Variants in JPH3 observed in about 807,000 individuals in gnomAD.
JPH3 encodes junctophilin-3.
JPH3 carries 11 observed loss-of-function variants against 59.6 expected under a neutral mutation model. The observed-to-expected ratio is 0.18, with a 90% CI of 0.12 to 0.31. The LOEUF (loss-of-function observed/expected upper bound fraction) is 0.31. JPH3 is among the 10% of genes least tolerant of loss of function. The pLI, the probability that JPH3 is intolerant of heterozygous loss-of-function variation, is 1.00. For synonymous variants in JPH3, 673 were observed against 483.6 expected (o/e 1.39, Z -5.14); for missense variants, 1,202 against 1,105.7 (o/e 1.09, Z -1.24).
intron 1 of JPH3, among the ~76,000 whole-genome samples, chr16:87,627,355 T>C (rs1390927227): frequency 2.0e-5 from 3 of 152,240 alleles, no homozygotes; most frequent in African/African-American, 7.2e-5. Context: ...GGCGCTATTG[T>C]AACGATAACA....
intron 2 of JPH3, among the ~76,000 whole-genome samples, chr16:87,670,232 C>T (rs1211982059): frequency 1.3e-5 from 2 of 152,190 alleles, no homozygotes; most frequent in Non-Finnish European, 2.9e-5. Context: ...GAGTCAGCCG[C>T]AGCCACCAGC....
chr16:87,637,731 C>T (rs1208229561), intron 1 of JPH3, among the ~76,000 whole-genome samples: 3 of 151,926 alleles, frequency 2.0e-5, no homozygotes, highest in African/African-American at 4.8e-5. Flanking sequence ...GTGCCCTGGG[C>T]GAATGTCGAG....
At chr16:87,634,222 G>A (rs2031658464) in intron 1 of JPH3, among the ~76,000 whole-genome samples, 1 of 152,170 alleles carries the variant, frequency 6.6e-6, no homozygotes, top group African/African-American at 2.4e-5. Flanking sequence ...CCAGGGTCTG[G>A]TCCCTGATCT....
intron 1 of JPH3, among the ~76,000 whole-genome samples, chr16:87,617,573 C>T (rs982704398): frequency 6.9e-5 from 10 of 145,264 alleles, no homozygotes; most frequent in Admixed American, 3.6e-4. Context: ...AGGGATGCCA[C>T]CTCTAGGGAG....
chr16:87,648,676 G>C (rs996570544), intron 2 of JPH3, among the ~76,000 whole-genome samples: 13 of 152,144 alleles, frequency 8.5e-5, no homozygotes, highest in African/African-American at 2.4e-4. Flanking sequence ...GGGAGAGGGG[G>C]AGCTGGGACT....
chr16:87,657,408 G>A (rs912970103), intron 2 of JPH3, among the ~76,000 whole-genome samples: 1 of 152,146 alleles, frequency 6.6e-6, no homozygotes, highest in Non-Finnish European at 1.5e-5. Flanking sequence ...GGAACAACGG[G>A]GAGTGGCTTC....
At chr16:87,693,078 TCA>T (rs1223215444) in intron 4 of JPH3, among the ~76,000 whole-genome samples, 1 of 152,182 alleles carries the variant, frequency 6.6e-6, no homozygotes, top group Non-Finnish European at 1.5e-5. Context: ...GGCCCAAGAC[TCA>T]CAATACACCT....
At chr16:87,670,506 C>T (rs2032987534) in intron 2 of JPH3, among the ~76,000 whole-genome samples, 1 of 152,216 alleles carries the variant, frequency 6.6e-6, no homozygotes, top group Non-Finnish European at 1.5e-5. Context: ...TCCCTGTGAG[C>T]GGCCTGTCCC....
chr16:87,636,913 C>T (rs926819435), intron 1 of JPH3, among the ~76,000 whole-genome samples: 8 of 152,228 alleles, frequency 5.3e-5, no homozygotes, highest in Non-Finnish European at 1.0e-4. Flanking sequence ...GGCCATAGTA[C>T]GCGCAGCGCA....
rs1300240298 is a variant in JPH3 at position 87,644,588 on chromosome 16, G to A, written c.713G>A (p.Arg238His). The A allele has an allele frequency of 5.6e-6, 9 of 1,612,812 alleles. No individual in the cohort carries two copies. Among genetic ancestry groups the A allele is most frequent in the South Asian group, 2.2e-5 (2 of 91,082 alleles). Residue 238 changes from arginine to histidine, a missense_variant, in exon 2 of 5, where the codon CGC (arginine) becomes CAC (histidine). Coordinates refer to ENST00000284262, the MANE Select transcript of JPH3 (RefSeq NM_020655.4). ...TCCAAGAGCAGCCTGGCCAGCCAAC[G>A]CAGCAAGCAGAGCTCCTTTCGCAGC... ...SESKSSLASQ[R>H]SKQSSFRSEA...
At chr16:87,685,132 C>A (rs1410209529) in intron 3 of JPH3, among the ~76,000 whole-genome samples, 2 of 152,232 alleles carry the variant, frequency 1.3e-5, no homozygotes, top group African/African-American at 4.8e-5. Context: ...GGAGCCCAGC[C>A]TGGGGGCTGC....
intron 1 of JPH3, chr16:87,604,598 G>A: frequency 5.8e-6 from 7 of 1,216,684 alleles, no homozygotes; most frequent in Non-Finnish European, 7.3e-6. Flanking sequence ...AATGACTTGT[G>A]CTTCTGCCGA....
rs765672848 is a variant in JPH3 at position 87,632,277 on chromosome 16, A to T, written c.383-11981A>T. ...GCTGAAGCATTGGCGAAAAGACGAA[A>T]AAAAGAGCACTTCCCTGGCAGTCCT... On this transcript the variant is annotated intron_variant, in intron 1 of 4. Coordinates refer to ENST00000284262, the MANE Select transcript of JPH3 (RefSeq NM_020655.4). Among the ~76,000 whole-genome samples the T allele has an allele frequency of 2.0e-5, 3 of 152,194 alleles. No homozygotes were observed. In the South Asian group the frequency reaches 6.2e-4, roughly 31 times the overall value.
intron 2 of JPH3, among the ~76,000 whole-genome samples, chr16:87,660,125 C>T (rs891847685): frequency 6.6e-6 from 1 of 152,202 alleles, no homozygotes; most frequent in Non-Finnish European, 1.5e-5. Flanking sequence ...TAAAGGGGAG[C>T]TGAGGACAGG....
At chr16:87,618,488 C>T (rs1198902165) in intron 1 of JPH3, among the ~76,000 whole-genome samples, 1 of 152,128 alleles carries the variant, frequency 6.6e-6, no homozygotes, top group Non-Finnish European at 1.5e-5. Context: ...AGGCCAGGTA[C>T]GTCCATGTGT....
Position 87,633,714 on chromosome 16 carries a change from G to A in JPH3, c.383-10544G>A, listed in dbSNP as rs560734180. ...CTCGGGAGTCTGAGGCAGGAGAATC[G>A]CTTAAACCTGGGAGGCGGAGGTTGC... On this transcript the variant is annotated intron_variant, in intron 1 of 4. Transcript: ENST00000284262. Among the ~76,000 whole-genome samples the A allele has an allele frequency of 4.3e-4, 65 of 152,022 alleles. No homozygotes were observed. In the East Asian group the frequency reaches 0.011, roughly 26 times the overall value.
intron 2 of JPH3, among the ~76,000 whole-genome samples, chr16:87,672,493 C>T (rs2033043239): frequency 6.6e-6 from 1 of 152,342 alleles, no homozygotes; most frequent in South Asian, 2.1e-4. Context: ...CAGCACAGAG[C>T]CGCACATGAC....
intron 2 of JPH3, among the ~76,000 whole-genome samples, chr16:87,679,338 C>G (rs779634655): frequency 6.6e-5 from 10 of 152,178 alleles, no homozygotes; most frequent in Non-Finnish European, 1.0e-4. Context: ...GGAATGTTCT[C>G]TGGCTTTCCA....
chr16:87,621,596 T>C (rs2150829279), intron 1 of JPH3, among the ~76,000 whole-genome samples: 1 of 152,298 alleles, frequency 6.6e-6, no homozygotes, highest in Non-Finnish European at 1.5e-5. Context: ...GAGCAATTGC[T>C]GTGCAAACAC....
Sources: allele counts gnomAD v4.1 joint callset (sites outside exome capture counted in the v4.1 genomes callset), GRCh38; gene constraint gnomAD v4.1.1; transcripts MANE v1.5; gene names NCBI Gene and HGNC (gene_info 2026-07-23, HGNC 2026-07-21).